Variants in KCNJ6 observed in about 807,000 individuals in gnomAD.
KCNJ6 encodes the protein G protein-activated inward rectifier potassium channel 2.
KCNJ6 carries 9 observed loss-of-function variants against 34.2 expected under a neutral mutation model. The observed-to-expected ratio is 0.26, with a 90% CI of 0.16 to 0.46. The LOEUF is 0.46. Ranked by LOEUF, KCNJ6 falls within the 20% of genes least tolerant of loss-of-function variation. The pLI is 1.00. For missense variants in KCNJ6, 236 were observed against 531.3 expected (o/e 0.44, Z 5.46); for synonymous variants, 196 against 207.1 (o/e 0.95, Z 0.46).
chr21:37,842,958 G>A (rs938802346), intron 1 of KCNJ6, among the ~76,000 whole-genome samples: 6 of 152,046 alleles, frequency 3.9e-5, no homozygotes, highest in African/African-American at 1.2e-4. Flanking sequence ...TTGTGTCCTG[G>A]TCTGTGACTT....
chr21:37,811,126 G>A (rs1281751385), intron 2 of KCNJ6, among the ~76,000 whole-genome samples: 1 of 152,052 alleles, frequency 6.6e-6, no homozygotes, highest in Non-Finnish European at 1.5e-5. Context: ...GAACTCCAGG[G>A]TTCAGGGAGC....
intron 3 of KCNJ6, among the ~76,000 whole-genome samples, chr21:37,673,146 G>A (rs2054549637): frequency 6.6e-6 from 1 of 152,272 alleles, no homozygotes; most frequent in South Asian, 2.1e-4. Flanking sequence ...GACGGGGACA[G>A]GTAAGACAGC....
intron 1 of KCNJ6, among the ~76,000 whole-genome samples, chr21:37,855,909 C>A (rs992488543): frequency 6.6e-6 from 1 of 152,344 alleles, no homozygotes; most frequent in South Asian, 2.1e-4. Context: ...TGGCCAAGCA[C>A]GGCCAGGGGC....
chr21:37,800,346 C>T (rs981216889), intron 2 of KCNJ6, among the ~76,000 whole-genome samples: 9 of 152,062 alleles, frequency 5.9e-5, no homozygotes, highest in African/African-American at 2.2e-4. Flanking sequence ...AAATAGGGAC[C>T]CAAACTTTAT....
At chr21:37,628,218 C>T (rs962780688) in intron 3 of KCNJ6, among the ~76,000 whole-genome samples, 1 of 152,066 alleles carries the variant, frequency 6.6e-6, no homozygotes, top group Non-Finnish European at 1.5e-5. Flanking sequence ...GCATTGGATT[C>T]ACTAGAGAAA....
rs1423535861 is a variant in KCNJ6, at chr21:37,612,239, A to T, written c.*12920T>A. On this transcript the variant is annotated 3_prime_UTR_variant, in exon 4 of 4. Transcript: ENST00000609713. Reference sequence around the variant, plus strand: ...CAATGAATAAGTGAAATTTGAAATTAAAAGCACATGATTATTTAAATTAGT... The same window carrying T: ...CAATGAATAAGTGAAATTTGAAATTTAAAGCACATGATTATTTAAATTAGT... 1.3e-5 allele frequency: 2 copies of T among 152,368 alleles called. No homozygotes were observed. The highest frequency in any genetic ancestry group is 3.4e-3 in the Middle Eastern group (1 of 294). The allele number at this position is 152,368 out of a possible 1,614,324, so 9.4% of individuals were successfully genotyped here. A position where few individuals can be genotyped will look rare whatever the true frequency, so the allele number is the denominator to read the frequency against.
chr21:37,646,470 G>C (rs942699145), intron 3 of KCNJ6, among the ~76,000 whole-genome samples: 2 of 152,060 alleles, frequency 1.3e-5, no homozygotes, highest in African/African-American at 4.8e-5. Flanking sequence ...TTTTAAAGAC[G>C]AGCGGGAGCT....
At chr21:37,834,450 C>T (rs947185972) in intron 2 of KCNJ6, among the ~76,000 whole-genome samples, 2 of 152,260 alleles carry the variant, frequency 1.3e-5, no homozygotes, top group Non-Finnish European at 2.9e-5. Context: ...CTGCAAGCTA[C>T]AGCGACTTAC....
chr21:37,640,245 G>T (rs528800020), intron 3 of KCNJ6, among the ~76,000 whole-genome samples: 2 of 152,324 alleles, frequency 1.3e-5, no homozygotes, highest in East Asian at 3.9e-4. Context: ...CCTCAATGAA[G>T]CCTAGGGGCC....
At chr21:37,850,243 G>A (rs1304030325) in intron 1 of KCNJ6, among the ~76,000 whole-genome samples, 1 of 152,048 alleles carries the variant, frequency 6.6e-6, no homozygotes, top group Non-Finnish European at 1.5e-5. Flanking sequence ...GGGCAGGATG[G>A]CAGGCCCCAA....
At chr21:37,737,815 G>A (rs1014715762) in intron 2 of KCNJ6, among the ~76,000 whole-genome samples, 22 of 152,332 alleles carry the variant, frequency 1.4e-4, no homozygotes, top group Middle Eastern at 3.4e-3. Flanking sequence ...CAGTGGCCCC[G>A]TCTAGGAACC....
At chr21:37,667,340 C>T (rs2054519784) in intron 3 of KCNJ6, among the ~76,000 whole-genome samples, 1 of 152,056 alleles carries the variant, frequency 6.6e-6, no homozygotes, top group Non-Finnish European at 1.5e-5. Flanking sequence ...CGTTTAGCAA[C>T]ACCTTTCCCT....
chr21:37,657,073 G>A (rs990677490), intron 3 of KCNJ6, among the ~76,000 whole-genome samples: 2 of 152,116 alleles, frequency 1.3e-5, no homozygotes, highest in Non-Finnish European at 2.9e-5. Context: ...GTACCCACAT[G>A]GGCCTTCCTA....
At chr21:37,854,428 T>C (rs753074428) in intron 1 of KCNJ6, among the ~76,000 whole-genome samples, 12 of 152,302 alleles carry the variant, frequency 7.9e-5, no homozygotes, top group Non-Finnish European at 1.6e-4. Flanking sequence ...TCCTCACTCA[T>C]ACTTGAGAGC....
rs10539396 is a variant in KCNJ6 at position 37,818,211 on chromosome 21, CGTGTGTGTGTGTGTGT to C, written c.25+22431_25+22446del. ...AAAAGTGCGTGTGTGTGTGTGCGTGCGTGTGTGTGTGTGTGTGTGTGTGTGTGTGTGTGTACTCTGA... is the reference window on the plus strand; with the variant it reads ...AAAAGTGCGTGTGTGTGTGTGCGTGCGTGTGTGTGTGTGTGTGTACTCTGA... On this transcript the variant is annotated intron_variant, in intron 2 of 3. Transcript: ENST00000609713. 2.0e-4 allele frequency among the ~76,000 whole-genome samples: 30 copies of C among 148,330 alleles called. No individual in the cohort carries two copies. The South Asian group carries it at 5.1e-3, about 25-fold the overall frequency.
At chr21:37,870,672 C>T (rs975918186) in intron 1 of KCNJ6, among the ~76,000 whole-genome samples, 2 of 151,420 alleles carry the variant, frequency 1.3e-5, no homozygotes, top group African/African-American at 4.9e-5. Flanking sequence ...AATTTGTACA[C>T]AGTACAATGT....
At chr21:37,633,337 C>A (rs976084438) in intron 3 of KCNJ6, among the ~76,000 whole-genome samples, 1 of 152,130 alleles carries the variant, frequency 6.6e-6, no homozygotes, top group Non-Finnish European at 1.5e-5. Context: ...TACCAAAAAT[C>A]TAAACAATCA....
chr21:37,898,059 C>T (rs1293340267), intron 1 of KCNJ6, among the ~76,000 whole-genome samples: 3 of 152,160 alleles, frequency 2.0e-5, no homozygotes, highest in Non-Finnish European at 2.9e-5. Flanking sequence ...CCATGTTGAC[C>T]GCCCTTTAAA....
intron 2 of KCNJ6, among the ~76,000 whole-genome samples, chr21:37,733,163 C>A (rs1205679668): frequency 1.3e-5 from 2 of 152,192 alleles, no homozygotes; most frequent in African/African-American, 4.8e-5. Context: ...AAAGGCTGCA[C>A]CCTCTGGATG....
Sources: gnomAD v4.1 joint callset for allele counts (sites outside exome capture counted in the v4.1 genomes callset) on GRCh38, gnomAD v4.1.1 for gene constraint, MANE v1.5 for transcripts, NCBI Gene and HGNC (gene_info 2026-07-23, HGNC 2026-07-21) for gene names.